The following ETFRF1 variants were observed in gnomAD, a reference collection of about 807,000 sequenced individuals.
ETFRF1 encodes LYR motif containing 5.
In ETFRF1, 12 loss-of-function variants were observed where a neutral mutation model predicts 9.0. That is an observed-to-expected ratio of 1.34 (90% CI 0.86 to 2.16). ETFRF1 has a LOEUF of 2.16. ETFRF1 is among the 30% of genes most tolerant of loss of function. ETFRF1 has a pLI of 0.00. For synonymous variants in ETFRF1, 34 were observed against 33.2 expected (o/e 1.02, Z -0.08); for missense variants, 98 against 101.8 (o/e 0.96, Z 0.16).
chr12:25,202,263 A>G (rs1951080415), intron 1 of ETFRF1, among the ~76,000 whole-genome samples: 1 of 151,618 alleles, frequency 6.6e-6, no homozygotes. Context: ...CTGCTTGCCT[A>G]TCAGAGTAAT....
chr12:25,195,308 G>T lies in ETFRF1; in HGVS notation c.-67G>T. 1 of 607,544 alleles carries T rather than the reference G, an allele frequency of 1.6e-6. No homozygotes were observed. Among genetic ancestry groups the T allele is most frequent in the South Asian group, 2.0e-5 (1 of 51,124 alleles). 37.6% of individuals were successfully genotyped at this position (607,544 alleles called of 1,614,324 possible). ...GACGGACAGAGGAGTCGTAGCGGTC[G>T]AGGCTTTTGCGGCTCCGGCGTGCCG... On this transcript the variant is annotated 5_prime_UTR_variant, in exon 1 of 3. Coordinates refer to ENST00000381356, the MANE Select transcript of ETFRF1 (RefSeq NM_001001660.3).
rs368753599 is a variant in ETFRF1, at chr12:25,204,309, T to C, written c.270T>C (p.Asn90=). 7.6e-5 allele frequency: 119 copies of C among 1,567,840 alleles called. No homozygotes were observed. Among genetic ancestry groups the C allele is most frequent in the Non-Finnish European group, 9.0e-5 (105 of 1,163,238 alleles). Reference sequence around the variant, plus strand: ...ATTATTCAGATACCAACAAAACTAATTGATCATTACTACTTTAATTTAGCT... The same window carrying C: ...ATTATTCAGATACCAACAAAACTAACTGATCATTACTACTTTAATTTAGCT... The part of the protein sequence containing the change: ...QRYYSDTNKT[N] The change falls in exon 3 of 3, where the codon AAT becomes AAC. Residue 90 remains asparagine, a synonymous_variant. Transcript: ENST00000381356.
intron 1 of ETFRF1, among the ~76,000 whole-genome samples, chr12:25,201,868 A>G (rs926264813): frequency 2.6e-5 from 4 of 151,846 alleles, no homozygotes; most frequent in Admixed American, 6.6e-5. Context: ...TTTAATCCAC[A>G]TTTTCTGCTA....
rs767921503 is a variant in ETFRF1, at chr12:25,204,187, G to GAGA, written c.152_154dup (p.Lys51dup). 6.2e-7 allele frequency: 1 copy of GAGA among 1,613,318 alleles called. No homozygotes were observed. The highest frequency in any genetic ancestry group is 8.5e-7 in the Non-Finnish European group (1 of 1,179,628). On this transcript the variant is annotated inframe_insertion, in exon 3 of 3. Coordinates refer to ENST00000381356, the MANE Select transcript of ETFRF1 (RefSeq NM_001001660.3). ...TAAAAACAAAGATGTGAAGAATCCA[G>GAGA]AGAAGATCAAAGAACTTATTGCACA...
At chr12:25,196,952 A>G (rs1951029502) in intron 1 of ETFRF1, among the ~76,000 whole-genome samples, 1 of 152,132 alleles carries the variant, frequency 6.6e-6, no homozygotes, top group Admixed American at 6.5e-5. Context: ...CTGGAGATGG[A>G]GACCATCCTG....
chr12:25,200,630 A>G (rs994620002), intron 1 of ETFRF1, among the ~76,000 whole-genome samples: 7 of 152,244 alleles, frequency 4.6e-5, no homozygotes, highest in Non-Finnish European at 7.3e-5. Flanking sequence ...CCAGCTTTCA[A>G]TTCTATACTC....
At position 25,195,256 on chromosome 12, in the gene ETFRF1, C is replaced by A. The variant is rs558114099; in HGVS notation, c.-119C>A. The A allele has an allele frequency of 1.3e-5, 9 of 674,928 alleles. No homozygotes were observed. Among genetic ancestry groups the A allele is most frequent in the East Asian group, 5.4e-5 (2 of 37,012 alleles). 41.8% of individuals were successfully genotyped at this position (674,928 alleles called of 1,614,324 possible). ...CCCTTTACTGACAGGTTGCCCACCT[C>A]CCCCAACGCCACCCCGCTTCGCAGT... On this transcript the variant is annotated 5_prime_UTR_variant, in exon 1 of 3. Coordinates refer to ENST00000381356, the MANE Select transcript of ETFRF1 (RefSeq NM_001001660.3).
At chr12:25,199,557 CTATAT>C (rs1031470070) in intron 1 of ETFRF1, among the ~76,000 whole-genome samples, 2 of 150,286 alleles carry the variant, frequency 1.3e-5, no homozygotes, top group Admixed American at 6.7e-5. Context: ...AAACTACATA[CTATAT>C]ACTATATAGT....
chr12:25,202,664 C>T (rs929304390), intron 1 of ETFRF1, among the ~76,000 whole-genome samples: 4 of 151,760 alleles, frequency 2.6e-5, no homozygotes, highest in African/African-American at 9.7e-5. Flanking sequence ...AGAGTGTGTG[C>T]GCCGAATGGT....
chr12:25,202,440 G>C (rs1395530199), intron 1 of ETFRF1, among the ~76,000 whole-genome samples: 1 of 152,060 alleles, frequency 6.6e-6, no homozygotes, highest in Non-Finnish European at 1.5e-5. Flanking sequence ...GCCTAGCAGG[G>C]GATGAGGAGG....
chr12:25,201,357 T>A (rs896016736), intron 1 of ETFRF1, among the ~76,000 whole-genome samples: 4 of 152,188 alleles, frequency 2.6e-5, no homozygotes, highest in African/African-American at 9.6e-5. Flanking sequence ...TTGGCTTTAA[T>A]TAACAGCAGC....
At chr12:25,200,886 C>T (rs1466652011) in intron 1 of ETFRF1, among the ~76,000 whole-genome samples, 1 of 152,216 alleles carries the variant, frequency 6.6e-6, no homozygotes, top group Non-Finnish European at 1.5e-5. Flanking sequence ...ATGTAGAGAG[C>T]AGTCAGTCCA....
intron 1 of ETFRF1, among the ~76,000 whole-genome samples, chr12:25,203,471 A>G (rs1211735205): frequency 6.6e-6 from 1 of 152,212 alleles, no homozygotes; most frequent in Non-Finnish European, 1.5e-5. Context: ...CTTCTGCTCA[A>G]TGTCCTTCAA....
At position 25,200,369 on chromosome 12, in the gene ETFRF1, T is replaced by C. The variant is rs151307606; in HGVS notation, c.-37-3551T>C. Reference sequence around the variant, plus strand: ...AATCATTTAAAATTTTTTCCCAAATTGAAGGAAACAAGTGTCCAGATTGCA... The same window carrying C: ...AATCATTTAAAATTTTTTCCCAAATCGAAGGAAACAAGTGTCCAGATTGCA... On this transcript the variant is annotated intron_variant, in intron 1 of 2. Transcript: ENST00000381356. 4.3e-3 allele frequency among the ~76,000 whole-genome samples: 651 copies of C among 152,196 alleles called. 7 individuals are homozygous for C. Among genetic ancestry groups the C allele is most frequent in the African/African-American group, 0.015 (609 of 41,538 alleles).
At position 25,204,598 on chromosome 12, in the gene ETFRF1, G is replaced by GACTT. The variant is rs1456818034; in HGVS notation, c.*288_*291dup. ...TACACTTAATCCTCTAACTTAATAG[G>GACTT]ACTTAGCCAATTATTTTTAGCTTAT... On this transcript the variant is annotated 3_prime_UTR_variant, in exon 3 of 3. Coordinates refer to ENST00000381356, the MANE Select transcript of ETFRF1 (RefSeq NM_001001660.3). 1.6e-5 allele frequency: 4 copies of GACTT among 247,852 alleles called. No individual in the cohort carries two copies. The highest frequency in any genetic ancestry group is 8.8e-5 in the African/African-American group (4 of 45,262). The allele number at this position is 247,852 out of a possible 1,614,324, so 15.4% of individuals were successfully genotyped here. A position where few individuals can be genotyped will look rare whatever the true frequency, so the allele number is the denominator to read the frequency against.
intron 1 of ETFRF1, 130 bp from the exon 2 acceptor site, chr12:25,203,790 G>C (rs1315804036): frequency 5.6e-6 from 3 of 531,572 alleles, no homozygotes; most frequent in Non-Finnish European, 9.5e-6. Flanking sequence ...CCAGTACGTG[G>C]AACGAAAAAG....
At chr12:25,195,843 T>A (rs1253383374) in intron 1 of ETFRF1, 1 of 152,204 alleles carries the variant, frequency 6.6e-6, no homozygotes, top group Non-Finnish European at 1.5e-5. Context: ...AGACTAATTT[T>A]ACTAACCACA....
chr12:25,203,859 CTTTT>C lies in ETFRF1; in HGVS notation c.-37-57_-37-54del, dbSNP rs373549154. On this transcript the variant is annotated intron_variant, in intron 1 of 2. Transcript: ENST00000381356. ...TTACCATTTTCTCAATGTGTATAAC[CTTTT>C]TTTATTTTTTTAAGACTACAATGCA... 6.3e-4 allele frequency: 612 copies of C among 977,102 alleles called. 10 individuals carry two copies. The South Asian group carries it at 0.013, about 20-fold the overall frequency. The allele number at this position is 977,102 out of a possible 1,614,324, so 60.5% of individuals were successfully genotyped here. A position where few individuals can be genotyped will look rare whatever the true frequency, so the allele number is the denominator to read the frequency against.
Position 25,204,230 on chromosome 12 carries a change from A to G in ETFRF1, c.191A>G (p.Lys64Arg), listed in dbSNP as rs1951105217. The change falls in exon 3 of 3, where the codon AAA becomes AGA. Residue 64 changes from lysine (K) to arginine (R), a missense_variant. Lys to Arg is a conservative substitution (Grantham distance 26, BLOSUM62 2). Transcript: ENST00000381356. ...ELIAQGEFVM[K>R]ELEALYFLRK... ...ATTGCACAGGGCGAATTTGTAATGA[A>G]AGAGCTAGAAGCTTTGTACTTCCTT... 6.2e-7 allele frequency: 1 copy of G among 1,611,850 alleles called. No homozygotes were observed. Among genetic ancestry groups the G allele is most frequent in the Non-Finnish European group, 8.5e-7 (1 of 1,179,314 alleles).
Sources: gnomAD v4.1 joint callset for allele counts (sites outside exome capture counted in the v4.1 genomes callset) on GRCh38, gnomAD v4.1.1 for gene constraint, MANE v1.5 for transcripts, NCBI Gene and HGNC (gene_info 2026-07-23, HGNC 2026-07-21) for gene names.